Variants in ZNF208 observed in about 807,000 individuals in gnomAD.
The protein encoded by ZNF208 is zinc finger protein 95.
ZNF208 carries 10 observed loss-of-function variants against 12.1 expected under a neutral mutation model. The ratio of observed to expected loss-of-function variants is 0.83; its 90% confidence interval spans 0.51 to 1.40. The LOEUF (loss-of-function observed/expected upper bound fraction) is 1.40. Among genes scored for constraint, ZNF208 ranks in the 40% most tolerant of loss-of-function variants. The pLI is 0.00. For synonymous variants in ZNF208, 497 were observed against 488.4 expected, an observed-to-expected ratio of 1.02 and a Z score of -0.23; for missense variants, 1,652 against 1,485.0, an observed-to-expected ratio of 1.11 and a Z score of -1.85.
At chr19:21,980,956 A>T (rs983148029) in intron 3 of ZNF208, among the ~76,000 whole-genome samples, 4 of 152,182 alleles carry the variant, frequency 2.6e-5, no homozygotes, top group African/African-American at 9.6e-5. Context: ...AAACTAGAAA[A>T]TCTAAAAGAA....
At position 21,972,815 on chromosome 19, in the gene ZNF208, TTA is replaced by T. The variant is rs1393835660; in HGVS notation, c.2217_2218del (p.His739GlnfsTer13). ...GGGTTTCTCTCCAGTATGAATTACC[TTA>T]TGTTTAGTAAGGACTGAGAATGTAC... On this transcript the variant is annotated frameshift_variant, in exon 4 of 4. Transcript: ENST00000397126. LOFTEE classifies it low-confidence loss of function (END_TRUNC). The T allele has an allele frequency of 6.2e-7, 1 of 1,612,334 alleles. No homozygotes were observed. Among genetic ancestry groups the T allele is most frequent in the African/African-American group, 1.3e-5 (1 of 74,854 alleles).
intron 4 of ZNF208, among the ~76,000 whole-genome samples, chr19:21,953,340 A>G (rs781335904): frequency 1.3e-5 from 2 of 152,200 alleles, no homozygotes; most frequent in Admixed American, 6.5e-5. Context: ...CCTCGAGAAG[A>G]GCAACTCCAA....
Position 21,966,335 on chromosome 19 carries a change from C to T in ZNF208, c.*4856G>A, listed in dbSNP as rs1970166105. The T allele has an allele frequency of 6.6e-6, 1 of 151,938 alleles. No homozygotes were observed. Among genetic ancestry groups the T allele is most frequent in the Admixed American group, 6.6e-5 (1 of 15,210 alleles). The allele number at this position is 151,938 out of a possible 1,614,324, so 9.4% of individuals were successfully genotyped here. A position where few individuals can be genotyped will look rare whatever the true frequency, so the allele number is the denominator to read the frequency against. The stretch of plus-strand genomic sequence containing the variant: ...CCATGTGCGCCCAATTTTTAGCATC[C>T]ATGTATGAGTGAGAACATGTGGCAT... On this transcript the variant is annotated 3_prime_UTR_variant, in exon 4 of 4. Transcript: ENST00000397126.
chr19:21,988,328 C>T (rs1198284280), intron 2 of ZNF208, among the ~76,000 whole-genome samples: 2 of 152,120 alleles, frequency 1.3e-5, no homozygotes, highest in African/African-American at 4.8e-5. Context: ...GCCTGAGGGT[C>T]ATGACCAACT....
At chr19:21,984,758 A>C (rs1970605852) in intron 3 of ZNF208, among the ~76,000 whole-genome samples, 1 of 152,200 alleles carries the variant, frequency 6.6e-6, no homozygotes, top group Admixed American at 6.6e-5. Flanking sequence ...AGTATATAGA[A>C]TCTCAAAAGA....
At chr19:22,004,794 A>G (rs115381449) in intron 1 of ZNF208, among the ~76,000 whole-genome samples, 113 of 152,302 alleles carry the variant, frequency 7.4e-4, no homozygotes, top group African/African-American at 2.7e-3. Context: ...AGGGTCAGAA[A>G]AAGTACCTTT....
At chr19:21,988,166 T>C (rs760933567) in intron 2 of ZNF208, among the ~76,000 whole-genome samples, 1 of 152,124 alleles carries the variant, frequency 6.6e-6, no homozygotes, top group African/African-American at 2.4e-5. Context: ...ACAGATCAGC[T>C]CAAGAATGTG....
intron 4 of ZNF208, chr19:21,941,039 GC>G (rs1969731658): frequency 4.0e-6 from 1 of 247,894 alleles, no homozygotes; most frequent in Non-Finnish European, 7.6e-6. Flanking sequence ...TGGAACTGGC[GC>G]CCTCCGGAAG....
At chr19:21,977,170 A>T (rs1205191199) in intron 3 of ZNF208, among the ~76,000 whole-genome samples, 1 of 152,242 alleles carries the variant, frequency 6.6e-6, no homozygotes, top group East Asian at 1.9e-4. Context: ...TAGGATTACA[A>T]ATACAGAAAG....
intron 4 of ZNF208, among the ~76,000 whole-genome samples, chr19:21,945,009 C>T (rs1969795455): frequency 6.6e-6 from 1 of 152,190 alleles, no homozygotes; most frequent in African/African-American, 2.4e-5. Flanking sequence ...TTTGATTTTA[C>T]CTTTCCTCAA....
chr19:21,972,456 G>A lies in ZNF208; in HGVS notation c.2578C>T (p.Pro860Ser), dbSNP rs756834152. ...KHKVIHTGEKPYKCEECGKAY... is the reference protein window; with the variant it reads ...KHKVIHTGEKSYKCEECGKAY... ...TTGCCACATTCTTCACATTTGTAGG[G>A]TTTCTCTCCAGTATGAATTACCTTA... The change falls in exon 4 of 4, where the codon CCC becomes TCC. Residue 860 changes from proline to serine, a missense_variant. Around this residue, in one of 3 missense-constraint regions of ZNF208, gnomAD observed 1,239 missense variants for 1,086.2 expected, o/e 1.14. Coordinates refer to ENST00000397126, the MANE Select transcript of ZNF208 (RefSeq NM_007153.3). 1.2e-6 allele frequency: 2 copies of A among 1,612,990 alleles called. No homozygotes were observed. Among genetic ancestry groups the A allele is most frequent in the Non-Finnish European group, 8.5e-7 (1 of 1,179,864 alleles).
At chr19:21,979,399 C>G (rs1204788479) in intron 3 of ZNF208, among the ~76,000 whole-genome samples, 1 of 152,158 alleles carries the variant, frequency 6.6e-6, no homozygotes. Flanking sequence ...CCCTACAGGC[C>G]AGAAGAGACT....
intron 4 of ZNF208, among the ~76,000 whole-genome samples, chr19:21,954,778 C>G (rs985509143): frequency 6.6e-6 from 1 of 152,128 alleles, no homozygotes; most frequent in Non-Finnish European, 1.5e-5. Flanking sequence ...TGGGTCTTGA[C>G]TCTTTATCCA....
At chr19:21,964,182 T>C (rs1423436842), downstream of ZNF208, among the ~76,000 whole-genome samples, 1 of 151,858 alleles carries the variant, frequency 6.6e-6, no homozygotes, top group Non-Finnish European at 1.5e-5. Flanking sequence ...ATTTAAGATA[T>C]TGCACCAGAG....
At chr19:21,993,341 G>T (rs140362085) in intron 1 of ZNF208, among the ~76,000 whole-genome samples, 96 of 151,936 alleles carry the variant, frequency 6.3e-4, no homozygotes, top group South Asian at 1.7e-3. Context: ...TCTCATGAAT[G>T]TATTTTGAAT....
chr19:21,978,796 C>T (rs1970481488), intron 3 of ZNF208, among the ~76,000 whole-genome samples: 1 of 152,080 alleles, frequency 6.6e-6, no homozygotes, highest in Non-Finnish European at 1.5e-5. Context: ...ACTAAAGGAG[C>T]ATGTTCTAAC....
chr19:21,951,719 C>G (rs1299651279), intron 4 of ZNF208, among the ~76,000 whole-genome samples: 4 of 152,140 alleles, frequency 2.6e-5, no homozygotes, highest in Admixed American at 1.3e-4. Flanking sequence ...GTCTGCAGCT[C>G]CAAATGTGAT....
At chr19:21,941,019 G>A (rs1969730709) in intron 4 of ZNF208, 1 of 223,990 alleles carries the variant, frequency 4.5e-6, no homozygotes, top group African/African-American at 2.3e-5. Flanking sequence ...GTGCTCAGCT[G>A]GGTCACGACT....
At chr19:21,977,692 C>T (rs1384031201) in intron 3 of ZNF208, among the ~76,000 whole-genome samples, 1 of 152,086 alleles carries the variant, frequency 6.6e-6, no homozygotes, top group Admixed American at 6.5e-5. Flanking sequence ...GGCTTTTTTT[C>T]CCCCATACCC....
Sources: gnomAD v4.1 joint callset for allele counts (sites outside exome capture counted in the v4.1 genomes callset) on GRCh38, gnomAD v4.1.1 for gene constraint, gnomAD v4.1.1 regional missense constraint, MANE v1.5 for transcripts, NCBI Gene and HGNC (gene_info 2026-07-23, HGNC 2026-07-21) for gene names.